The following ZNF385D variants were observed in gnomAD, a reference collection of about 807,000 sequenced individuals.
ZNF385D encodes the protein zinc finger protein 385D.
ZNF385D carries 15 observed loss-of-function variants against 35.8 expected under a neutral mutation model. The ratio of observed to expected loss-of-function variants is 0.42; its 90% CI spans 0.28 to 0.64. The LOEUF is 0.64. Ranked by LOEUF, ZNF385D falls within the 30% of genes least tolerant of loss-of-function variation. ZNF385D has a pLI of 0.23. For missense variants in ZNF385D, 474 were observed against 494.6 expected (o/e 0.96, Z 0.39); for synonymous variants, 212 against 186.8 (o/e 1.13, Z -1.10).
intron 3 of ZNF385D, among the ~76,000 whole-genome samples, chr3:21,940,187 C>G (rs1162140178): frequency 3.3e-5 from 5 of 152,016 alleles, no homozygotes. Context: ...TGATATTTCT[C>G]TATTCCTTTT....
At chr3:22,011,814 A>C (rs1456823786) in intron 3 of ZNF385D, among the ~76,000 whole-genome samples, 13 of 152,114 alleles carry the variant, frequency 8.5e-5, no homozygotes, top group Admixed American at 8.5e-4. Context: ...GGTAAGCTGC[A>C]GGGCTGAAAT....
chr3:21,841,955 C>G (rs1352412859), intron 3 of ZNF385D, among the ~76,000 whole-genome samples: 1 of 151,178 alleles, frequency 6.6e-6, no homozygotes, highest in Non-Finnish European at 1.5e-5. Flanking sequence ...CACACATACA[C>G]AAACACACAT....
chr3:22,244,647 T>C (rs950674926), intron 2 of ZNF385D, among the ~76,000 whole-genome samples: 1 of 150,964 alleles, frequency 6.6e-6, no homozygotes, highest in Admixed American at 6.6e-5. Context: ...TTCAAAAGTG[T>C]GTTTAATATC....
intron 3 of ZNF385D, among the ~76,000 whole-genome samples, chr3:21,767,191 G>A (rs1013247436): frequency 1.3e-5 from 2 of 151,812 alleles, no homozygotes; most frequent in African/African-American, 4.8e-5. Context: ...TTAGAGAAAT[G>A]CAAGGACAGT....
At chr3:21,765,323 G>A (rs977984179) in intron 3 of ZNF385D, among the ~76,000 whole-genome samples, 38 of 151,814 alleles carry the variant, frequency 2.5e-4, no homozygotes, top group African/African-American at 9.2e-4. Flanking sequence ...AAAAATATAG[G>A]TAACTTTGAT....
chr3:21,529,418 C>G (rs1325724111), intron 3 of ZNF385D, among the ~76,000 whole-genome samples: 1 of 152,100 alleles, frequency 6.6e-6, no homozygotes, highest in East Asian at 1.9e-4. Flanking sequence ...TTTCAGGAAC[C>G]CTTCAAGTGT....
chr3:21,501,711 G>T (rs1203341404), intron 4 of ZNF385D, among the ~76,000 whole-genome samples: 2 of 152,034 alleles, frequency 1.3e-5, no homozygotes, highest in Non-Finnish European at 2.9e-5. Context: ...TTTTTTTGCA[G>T]TTGAAATATT....
At chr3:21,776,798 A>T (rs918139293) in intron 3 of ZNF385D, among the ~76,000 whole-genome samples, 7 of 151,950 alleles carry the variant, frequency 4.6e-5, no homozygotes, top group Non-Finnish European at 8.8e-5. Flanking sequence ...ATTATTCTTT[A>T]CGGCTACCAG....
chr3:21,999,866 C>T (rs1346007342), intron 3 of ZNF385D, among the ~76,000 whole-genome samples: 2 of 151,850 alleles, frequency 1.3e-5, no homozygotes, highest in Admixed American at 1.3e-4. Context: ...TATTCTAATT[C>T]TGGGCATCAC....
At chr3:22,276,097 A>C (rs940792218) in intron 2 of ZNF385D, among the ~76,000 whole-genome samples, 2 of 152,012 alleles carry the variant, frequency 1.3e-5, no homozygotes, top group Non-Finnish European at 2.9e-5. Flanking sequence ...AAAATAAATA[A>C]AGAATCATGA....
chr3:22,077,946 C>T (rs1405827), intron 3 of ZNF385D, among the ~76,000 whole-genome samples: 75,197 of 151,732 alleles, frequency 0.5, 19,787 homozygotes, highest in African/African-American at 0.63. Context: ...AGTATCTGCA[C>T]TGATGGCTGA....
intron 2 of ZNF385D, among the ~76,000 whole-genome samples, chr3:22,229,332 G>C (rs1286100142): frequency 6.6e-6 from 1 of 152,184 alleles, no homozygotes; most frequent in Non-Finnish European, 1.5e-5. Context: ...GGATGCCACA[G>C]TCACATTGTT....
At chr3:21,682,306 T>G (rs73042113) in intron 1 of ZNF385D, among the ~76,000 whole-genome samples, 1 of 138,628 alleles carries the variant, frequency 7.2e-6, no homozygotes, top group Non-Finnish European at 1.6e-5. Flanking sequence ...ACCTGGAAAA[T>G]AGCCAAAGCA....
At chr3:22,015,415 T>C (rs557866196) in intron 3 of ZNF385D, among the ~76,000 whole-genome samples, 1 of 152,224 alleles carries the variant, frequency 6.6e-6, no homozygotes, top group South Asian at 2.1e-4. Flanking sequence ...ATATCTACGC[T>C]TTTCACACCT....
chr3:21,949,392 G>A (rs2928348), intron 3 of ZNF385D, among the ~76,000 whole-genome samples: 130,924 of 151,870 alleles, frequency 0.86, 56,627 homozygotes, highest in East Asian at 0.98. Flanking sequence ...CCATCCCATC[G>A]GTTGGGGTGG....
At chr3:22,002,556 G>C (rs991763826) in intron 3 of ZNF385D, among the ~76,000 whole-genome samples, 4 of 152,082 alleles carry the variant, frequency 2.6e-5, no homozygotes, top group African/African-American at 9.7e-5. Flanking sequence ...GAAGAGAAGG[G>C]AATTCTTTCT....
At chr3:22,299,773 T>A (rs1259312653) in intron 2 of ZNF385D, among the ~76,000 whole-genome samples, 1 of 151,870 alleles carries the variant, frequency 6.6e-6, no homozygotes, top group Non-Finnish European at 1.5e-5. Context: ...GTAAAAGACC[T>A]GTACACTGAA....
intron 2 of ZNF385D, among the ~76,000 whole-genome samples, chr3:21,618,327 C>T (rs2064907516): frequency 6.6e-6 from 1 of 151,990 alleles, no homozygotes; most frequent in African/African-American, 2.4e-5. Context: ...TGGCTGTAAG[C>T]CCAAGAATGC....
intron 2 of ZNF385D, among the ~76,000 whole-genome samples, chr3:22,330,362 T>C (rs186155563): frequency 6.6e-6 from 1 of 152,310 alleles, no homozygotes; most frequent in African/African-American, 2.4e-5. Flanking sequence ...TTTGTTTTTA[T>C]TGTCTGTCTT....
Sources: gnomAD v4.1 joint callset for allele counts (sites outside exome capture counted in the v4.1 genomes callset) on GRCh38, gnomAD v4.1.1 for gene constraint, MANE v1.5 for transcripts, NCBI Gene and HGNC (gene_info 2026-07-23, HGNC 2026-07-21) for gene names.